The following TBC1D12 variants were observed in gnomAD, a reference collection of about 807,000 sequenced individuals.
TBC1D12 encodes the protein TBC1 domain family member 12.
TBC1D12 carries 56 observed loss-of-function variants against 86.7 expected under a neutral mutation model. The ratio of observed to expected loss-of-function variants is 0.65; its 90% CI spans 0.52 to 0.81. The LOEUF is 0.81. Among genes scored for constraint, TBC1D12 ranks in the 30% least tolerant of loss-of-function variants. TBC1D12 has a pLI of 0.00. For synonymous variants in TBC1D12, 421 were observed against 411.7 expected (o/e 1.02, Z -0.27); for missense variants, 1,023 against 1,038.8 (o/e 0.98, Z 0.21).
intron 11 of TBC1D12, among the ~76,000 whole-genome samples, chr10:94,527,336 G>A (rs558916410): frequency 1.4e-4 from 22 of 151,780 alleles, no homozygotes; most frequent in Admixed American, 1.3e-3. Context: ...GTGATCCACC[G>A]TCTCAGCTTC....
chr10:94,435,242 G>A (rs567835382), intron 1 of TBC1D12, among the ~76,000 whole-genome samples: 29 of 152,274 alleles, frequency 1.9e-4, no homozygotes, highest in Non-Finnish European at 3.2e-4. Context: ...TTGCTAGATG[G>A]TAGGGTATGC....
chr10:94,425,244 G>A (rs551570556), intron 1 of TBC1D12, among the ~76,000 whole-genome samples: 2 of 152,250 alleles, frequency 1.3e-5, no homozygotes, highest in African/African-American at 2.4e-5. Context: ...CTGTACTTCA[G>A]TGGATGCAAA....
At chr10:94,406,236 T>C (rs552561081) in intron 1 of TBC1D12, among the ~76,000 whole-genome samples, 2 of 152,376 alleles carry the variant, frequency 1.3e-5, no homozygotes, top group Non-Finnish European at 2.9e-5. Flanking sequence ...TTTTTACTTA[T>C]AGACTAATAG....
chr10:94,526,055 TATA>T (rs1432887418), intron 11 of TBC1D12, among the ~76,000 whole-genome samples: 16 of 152,236 alleles, frequency 1.1e-4, no homozygotes, highest in Non-Finnish European at 1.5e-5. Context: ...TGTAATTTTG[TATA>T]TTTTAACAAA....
chr10:94,477,871 G>T (rs968897785), intron 3 of TBC1D12, among the ~76,000 whole-genome samples: 2 of 152,164 alleles, frequency 1.3e-5, no homozygotes, highest in African/African-American at 4.8e-5. Context: ...TCTAGATGTG[G>T]GATGTGAGGT....
At position 94,536,032 on chromosome 10, in the gene TBC1D12, TC is replaced by T. The variant is rs1842533738; in HGVS notation, c.*2937del. 6.6e-6 allele frequency: 1 copy of T among 152,134 alleles called. No individual in the cohort carries two copies. The highest frequency in any genetic ancestry group is 6.5e-5 in the Admixed American group (1 of 15,272). 9.4% of individuals were successfully genotyped at this position (152,134 alleles called of 1,614,324 possible). ...TCTTTGTTTTTGTTTGCCAAATTTG[TC>T]TTCCAAGGAATGCACTAAGCCTTCA... On this transcript the variant is annotated 3_prime_UTR_variant, in exon 13 of 13. Coordinates refer to ENST00000225235, the MANE Select transcript of TBC1D12 (RefSeq NM_015188.2).
Position 94,536,081 on chromosome 10 carries a change from G to A in TBC1D12, c.*2985G>A, listed in dbSNP as rs1842534154. ...TCAGTCTTTTTAGACTGACAGTACT[G>A]GCAGCTAAAATATTGTACTGTATCT... On this transcript the variant is annotated 3_prime_UTR_variant, in exon 13 of 13. Coordinates refer to ENST00000225235, the MANE Select transcript of TBC1D12 (RefSeq NM_015188.2). 6.6e-6 allele frequency among the ~76,000 whole-genome samples: 1 copy of A among 151,986 alleles called. No homozygotes were observed. The highest frequency in any genetic ancestry group is 2.4e-5 in the African/African-American group (1 of 41,388).
At chr10:94,417,752 T>TC (rs1190029350) in intron 1 of TBC1D12, among the ~76,000 whole-genome samples, 9 of 56,662 alleles carry the variant, frequency 1.6e-4, no homozygotes, top group African/African-American at 4.8e-4. Flanking sequence ...CTCTTCTTCT[T>TC]TTTTTTTTTT....
At chr10:94,502,675 G>C (rs1007452500) in intron 6 of TBC1D12, among the ~76,000 whole-genome samples, 6 of 152,184 alleles carry the variant, frequency 3.9e-5, no homozygotes, top group African/African-American at 1.4e-4. Flanking sequence ...CTGGGCGACA[G>C]AGTGAGACCC....
intron 3 of TBC1D12, among the ~76,000 whole-genome samples, chr10:94,481,603 A>T (rs560238226): frequency 6.6e-6 from 1 of 152,338 alleles, no homozygotes; most frequent in Non-Finnish European, 1.5e-5. Flanking sequence ...ACTTTGGCTT[A>T]TGCAAATGTT....
chr10:94,492,075 G>A (rs1163294852), intron 3 of TBC1D12, among the ~76,000 whole-genome samples: 1 of 152,156 alleles, frequency 6.6e-6, no homozygotes, highest in African/African-American at 2.4e-5. Flanking sequence ...AGTTATGATT[G>A]AAAAGACATT....
chr10:94,485,970 C>G (rs372190987), intron 3 of TBC1D12, among the ~76,000 whole-genome samples: 2 of 152,024 alleles, frequency 1.3e-5, no homozygotes, highest in Non-Finnish European at 2.9e-5. Context: ...TCTCCTTTTT[C>G]ATCTCTGATT....
At chr10:94,457,890 G>A (rs1029937335) in intron 2 of TBC1D12, among the ~76,000 whole-genome samples, 2 of 152,090 alleles carry the variant, frequency 1.3e-5, no homozygotes, top group African/African-American at 4.8e-5. Context: ...ATACCTGAAA[G>A]TGGAGTTTCA....
Position 94,403,393 on chromosome 10 carries a change from G to A in TBC1D12, c.780G>A (p.Ala260=). The change falls in exon 1 of 13, where the codon GCG becomes GCA. Residue 260 remains alanine (A), a synonymous_variant. Coordinates refer to ENST00000225235, the MANE Select transcript of TBC1D12 (RefSeq NM_015188.2). Reference sequence around the variant, plus strand: ...CGGCCGAGAGGACTAATGGGGGTGCGGAGCCGCGCCTGGGCTTTTCTGACA... The same window carrying A: ...CGGCCGAGAGGACTAATGGGGGTGCAGAGCCGCGCCTGGGCTTTTCTGACA... ...ATSAERTNGG[A]EPRLGFSDIH... The A allele has an allele frequency of 6.5e-7, 1 of 1,545,700 alleles. No individual in the cohort carries two copies. Among genetic ancestry groups the A allele is most frequent in the Non-Finnish European group, 8.7e-7 (1 of 1,145,792 alleles).
chr10:94,404,473 C>G (rs1479420373), intron 1 of TBC1D12, among the ~76,000 whole-genome samples: 5 of 151,558 alleles, frequency 3.3e-5, no homozygotes, highest in African/African-American at 4.8e-5. Context: ...TGGTGAAACC[C>G]GGTTTCTACT....
At chr10:94,517,941 T>C (rs1414421240) in intron 9 of TBC1D12, among the ~76,000 whole-genome samples, 1 of 152,048 alleles carries the variant, frequency 6.6e-6, no homozygotes, top group African/African-American at 2.4e-5. Flanking sequence ...TCACCTGAGG[T>C]CAGTAGTTCG....
intron 2 of TBC1D12, among the ~76,000 whole-genome samples, chr10:94,451,916 T>TC (rs1564952975): frequency 6.6e-6 from 1 of 152,022 alleles, no homozygotes; most frequent in Admixed American, 6.6e-5. Flanking sequence ...ACTCTTTTGA[T>TC]CATTTTTTTA....
At chr10:94,428,305 T>TA (rs1554934895) in intron 1 of TBC1D12, among the ~76,000 whole-genome samples, 3 of 149,130 alleles carry the variant, frequency 2.0e-5, no homozygotes, top group South Asian at 4.3e-4. Context: ...TTTTTTTTTT[T>TA]AAGACAGGGT....
intron 1 of TBC1D12, among the ~76,000 whole-genome samples, chr10:94,422,060 A>G (rs545611128): frequency 6.6e-6 from 1 of 152,290 alleles, no homozygotes; most frequent in South Asian, 2.1e-4. Flanking sequence ...AAGTTTGTGT[A>G]ACCAGTTTAG....
Sources: allele counts gnomAD v4.1 joint callset (sites outside exome capture counted in the v4.1 genomes callset), GRCh38; gene constraint gnomAD v4.1.1; transcripts MANE v1.5; gene names NCBI Gene and HGNC (gene_info 2026-07-23, HGNC 2026-07-21).